DNAI7: variants seen among roughly 807,000 people sequenced by gnomAD.
DNAI7 encodes the protein dynein axonemal intermediate chain 7, also known as cancer susceptibility 1.
Under a neutral mutation model 86.6 loss-of-function variants are expected in DNAI7, and 78 were observed. That is an observed-to-expected ratio of 0.90 (90% confidence interval 0.75 to 1.09). The LOEUF (loss-of-function observed/expected upper bound fraction) is 1.09. Among genes scored for constraint, DNAI7 ranks in the 50% least tolerant of loss-of-function variants. The pLI is 0.00. For missense variants in DNAI7, 753 were observed against 810.2 expected, an observed-to-expected ratio of 0.93 and a Z score of 0.86; for synonymous variants, 274 against 273.0, an observed-to-expected ratio of 1.00 and a Z score of -0.04.
chr12:25,120,744 A>C (rs930429943), intron 11 of DNAI7, among the ~76,000 whole-genome samples: 1 of 152,188 alleles, frequency 6.6e-6, no homozygotes, highest in Non-Finnish European at 1.5e-5. Context: ...AAAAATAAAA[A>C]AAATAAATAA....
intron 8 of DNAI7, among the ~76,000 whole-genome samples, chr12:25,145,742 A>G (rs1476939008): frequency 6.6e-6 from 1 of 152,042 alleles, no homozygotes; most frequent in Non-Finnish European, 1.5e-5. Context: ...CCTAATTTTT[A>G]TTCTGGTAAT....
At chr12:25,125,766 A>G (rs2140515790) in intron 9 of DNAI7, among the ~76,000 whole-genome samples, 1 of 152,254 alleles carries the variant, frequency 6.6e-6, no homozygotes, top group East Asian at 1.9e-4. Context: ...TCTTTCATCC[A>G]TATTGGGTTG....
intron 8 of DNAI7, among the ~76,000 whole-genome samples, chr12:25,146,634 T>G (rs889534614): frequency 6.6e-6 from 1 of 151,392 alleles, no homozygotes; most frequent in Non-Finnish European, 1.5e-5. Flanking sequence ...CTACCACTTC[T>G]ACTTTTTTGG....
At chr12:25,150,010 C>T (rs1038856901) in intron 6 of DNAI7, among the ~76,000 whole-genome samples, 21 of 152,100 alleles carry the variant, frequency 1.4e-4, no homozygotes, top group African/African-American at 4.8e-4. Flanking sequence ...TAGTGTTAGA[C>T]GTTCAGAAAT....
chr12:25,137,903 C>T (rs1943730826), intron 9 of DNAI7, among the ~76,000 whole-genome samples: 1 of 151,912 alleles, frequency 6.6e-6, no homozygotes, highest in South Asian at 2.1e-4. Context: ...ACAATTACTA[C>T]TAGACCTAAG....
chr12:25,142,193 G>A (rs1373550116), intron 9 of DNAI7, among the ~76,000 whole-genome samples: 2 of 152,212 alleles, frequency 1.3e-5, no homozygotes, highest in Non-Finnish European at 2.9e-5. Flanking sequence ...AATGGCATTT[G>A]CAGCAACCTG....
intron 9 of DNAI7, among the ~76,000 whole-genome samples, chr12:25,141,887 T>C (rs1172710772): frequency 6.6e-6 from 1 of 151,450 alleles, no homozygotes; most frequent in Non-Finnish European, 1.5e-5. Context: ...GATGTTTGAG[T>C]GGATGGGGTG....
At chr12:25,130,368 T>C (rs1042873267) in intron 9 of DNAI7, among the ~76,000 whole-genome samples, 3 of 151,074 alleles carry the variant, frequency 2.0e-5, no homozygotes, top group Admixed American at 6.6e-5. Flanking sequence ...AAACCCCGTC[T>C]GTACTAAAAA....
At chr12:25,167,621 CCCCG>C (rs1175851999) in intron 2 of DNAI7, among the ~76,000 whole-genome samples, 1 of 152,080 alleles carries the variant, frequency 6.6e-6, no homozygotes, top group African/African-American at 2.4e-5. Context: ...ACACAGCTGT[CCCCG>C]CCTTACATGC....
rs779085673 is a variant in DNAI7 at position 25,190,639 on chromosome 12, T to C, written c.4-8A>G. The stretch of plus-strand genomic sequence containing the variant: ...CTTTTTTGCTTTGGGACCCTAAAAG[T>C]TGGAAAACAAAAGAATTGATCAATT... On this transcript the variant is annotated splice_polypyrimidine_tract_variant and splice_region_variant and intron_variant, in intron 1 of 15. Coordinates refer to ENST00000395987, the MANE Select transcript of DNAI7 (RefSeq NM_018272.5). 8.5e-6 allele frequency: 12 copies of C among 1,408,132 alleles called. No individual in the cohort carries two copies. The highest frequency in any genetic ancestry group is 4.8e-5 in the East Asian group (2 of 41,414). The allele number at this position is 1,408,132 out of a possible 1,614,324, so 87.2% of individuals were successfully genotyped here.
chr12:25,127,450 G>T (rs1942306697), intron 9 of DNAI7, among the ~76,000 whole-genome samples: 1 of 151,848 alleles, frequency 6.6e-6, no homozygotes, highest in African/African-American at 2.4e-5. Flanking sequence ...TTTCTTCTAG[G>T]TAAACTTTAA....
chr12:25,114,015 G>C (rs1385250161), intron 13 of DNAI7, among the ~76,000 whole-genome samples: 2 of 134,028 alleles, frequency 1.5e-5, no homozygotes, highest in African/African-American at 6.0e-5. Flanking sequence ...GTACGATCTC[G>C]GCTCATGGCA....
At chr12:25,167,419 C>A (rs908394237) in intron 2 of DNAI7, among the ~76,000 whole-genome samples, 2 of 152,158 alleles carry the variant, frequency 1.3e-5, no homozygotes, top group African/African-American at 2.4e-5. Flanking sequence ...CCCTCCAATA[C>A]TTCCACCCTG....
intron 7 of DNAI7, among the ~76,000 whole-genome samples, chr12:25,147,748 CT>C (rs553209329): frequency 6.6e-4 from 100 of 152,304 alleles, no homozygotes; most frequent in Admixed American, 2.4e-3. Flanking sequence ...AGAATCATGA[CT>C]TTTCATTTTA....
intron 1 of DNAI7, 129 bp from the exon 2 acceptor site, chr12:25,190,760 C>A (rs983573867): frequency 1.1e-5 from 5 of 437,396 alleles, no homozygotes; most frequent in African/African-American, 1.0e-4. Context: ...TCTGTACCAT[C>A]TTTGTAACTT....
intron 7 of DNAI7, 59 bp from the exon 8 acceptor site, chr12:25,147,163 A>ACATAAGT: frequency 1.2e-6 from 1 of 844,744 alleles, no homozygotes; most frequent in Non-Finnish European, 2.0e-6. Flanking sequence ...TATACAAATT[A>ACATAAGT]GATAAGTTAC....
At position 25,144,315 on chromosome 12, in the gene DNAI7, T is replaced by C. The variant is rs371367256; in HGVS notation, c.1002+50A>G. On this transcript the variant is annotated intron_variant, in intron 9 of 15. Transcript: ENST00000395987. ...TTGAGAACACTTTAAGGGAATCTAATAACGCATGCTGCATGAATAAAAAAA... is the reference window on the plus strand; with the variant it reads ...TTGAGAACACTTTAAGGGAATCTAACAACGCATGCTGCATGAATAAAAAAA... 26 of 1,437,752 alleles carry C rather than the reference T, an allele frequency of 1.8e-5. No homozygotes were observed. The African/African-American group carries it at 3.5e-4, about 20-fold the overall frequency. 89.1% of individuals were successfully genotyped at this position (1,437,752 alleles called of 1,614,324 possible).
downstream of DNAI7, chr12:25,108,157 C>T (rs1189249148): frequency 1.5e-6 from 2 of 1,363,140 alleles, no homozygotes; most frequent in African/African-American, 2.9e-5. Flanking sequence ...TAGCATGAAA[C>T]CAGAGGTTCT....
chr12:25,183,761 T>G (rs1029931059), intron 2 of DNAI7, among the ~76,000 whole-genome samples: 1 of 152,168 alleles, frequency 6.6e-6, no homozygotes, highest in African/African-American at 2.4e-5. Context: ...GATTTTATTC[T>G]TTATTATTGA....
Sources: allele counts gnomAD v4.1 joint callset (sites outside exome capture counted in the v4.1 genomes callset), GRCh38; gene constraint gnomAD v4.1.1; transcripts MANE v1.5; gene names NCBI Gene and HGNC (gene_info 2026-07-23, HGNC 2026-07-21).